The following WDR25 variants were observed in gnomAD, a reference collection of about 807,000 sequenced individuals.
WDR25 encodes the protein WD repeat domain 25, also known as WD repeat-containing protein 25.
WDR25 carries 35 observed loss-of-function variants against 47.7 expected under a neutral mutation model. The observed-to-expected ratio is 0.73, with a 90% CI of 0.56 to 0.97. The LOEUF (loss-of-function observed/expected upper bound fraction) is 0.97, where lower values mean the gene tolerates loss of function less well. Among genes scored for constraint, WDR25 ranks in the 50% least tolerant of loss-of-function variants. WDR25 has a pLI of 0.00. For synonymous variants in WDR25, 248 were observed against 278.9 expected (o/e 0.89, Z 1.10); for missense variants, 634 against 704.7 (o/e 0.90, Z 1.14).
chr14:100,489,375 C>T (rs548014584), intron 4 of WDR25, among the ~76,000 whole-genome samples: 2 of 152,306 alleles, frequency 1.3e-5, no homozygotes, highest in South Asian at 4.1e-4. Flanking sequence ...GTACTGGGCC[C>T]TCTAGCAGTG....
In WDR25 at chr14:100,500,117, C is replaced by G. The variant is rs1029447379; in HGVS notation, c.1101+15993C>G. On this transcript the variant is annotated intron_variant, in intron 4 of 6. Transcript: ENST00000402312. The surrounding 1 kb of genome is among the most constrained non-coding windows in gnomAD (Gnocchi z 4.7). The stretch of plus-strand genomic sequence containing the variant: ...ACCCTCCTCCCCTACTTCTCTCTTA[C>G]CTGCTGCATCCTCTCTGTGCACCAA... 6.6e-6 allele frequency among the ~76,000 whole-genome samples: 1 copy of G among 152,110 alleles called. No homozygotes were observed. The highest frequency in any genetic ancestry group is 2.4e-5 in the African/African-American group (1 of 41,426).
At position 100,529,299 on chromosome 14, in the gene WDR25, C is replaced by G; in HGVS notation, c.1413+91C>G. On this transcript the variant is annotated intron_variant, in intron 6 of 6. Coordinates refer to ENST00000402312, the MANE Select transcript of WDR25 (RefSeq NM_001161476.3). This position sits in a 1 kb window ranked among gnomAD's most constrained non-coding sequence, Gnocchi z 5.1. ...ACATGGGCCCTGGGGTGCATGGAGC[C>G]TCTGTCTGGGTGGATCCTGCTTTCT... 6.4e-7 allele frequency: 1 copy of G among 1,565,384 alleles called. No individual in the cohort carries two copies. The highest frequency in any genetic ancestry group is 8.7e-7 in the Non-Finnish European group (1 of 1,151,340).
At chr14:100,483,934 A>G (rs1409802686) in intron 3 of WDR25, 60 bp from the exon 4 acceptor site, 2 of 1,546,270 alleles carry the variant, frequency 1.3e-6, no homozygotes, top group Non-Finnish European at 8.7e-7. Flanking sequence ...TCTTAGTTTT[A>G]AGATATTTGT....
chr14:100,480,051 C>T (rs757476710), intron 3 of WDR25, among the ~76,000 whole-genome samples: 5 of 152,162 alleles, frequency 3.3e-5, no homozygotes, highest in Admixed American at 1.3e-4. Context: ...GGGACTGCTT[C>T]GTATCAATTC....
chr14:100,445,644 G>C (rs978953554), intron 2 of WDR25, among the ~76,000 whole-genome samples: 1 of 152,148 alleles, frequency 6.6e-6, no homozygotes, highest in African/African-American at 2.4e-5. Context: ...GGACAGGATG[G>C]CTTCTAGGCT....
At chr14:100,394,069 T>C (rs776221404) in intron 2 of WDR25, among the ~76,000 whole-genome samples, 8 of 152,190 alleles carry the variant, frequency 5.3e-5, no homozygotes, top group Non-Finnish European at 8.8e-5. Context: ...ACGATAACGC[T>C]CTTACAAATG....
intron 2 of WDR25, among the ~76,000 whole-genome samples, chr14:100,394,561 A>G (rs949437873): frequency 1.3e-5 from 2 of 152,176 alleles, no homozygotes; most frequent in Non-Finnish European, 2.9e-5. Context: ...CTGGGATCAG[A>G]GGGGACCAGA....
chr14:100,518,220 C>T (rs1426969519), intron 4 of WDR25, among the ~76,000 whole-genome samples: 1 of 152,142 alleles, frequency 6.6e-6, no homozygotes, highest in Non-Finnish European at 1.5e-5. Flanking sequence ...GCCTTCATTT[C>T]CTCTTTATTC....
intron 3 of WDR25, among the ~76,000 whole-genome samples, chr14:100,478,208 A>G (rs562673929): frequency 6.6e-6 from 1 of 152,354 alleles, no homozygotes; most frequent in East Asian, 1.9e-4. Flanking sequence ...GTAAACTATA[A>G]TAGCTCCCTT....
At chr14:100,410,387 T>C (rs7153197) in intron 2 of WDR25, among the ~76,000 whole-genome samples, 3,717 of 151,996 alleles carry the variant, frequency 0.024, 164 homozygotes, top group African/African-American at 0.086. Flanking sequence ...GCTCAGGGGG[T>C]GGAGAGAACA....
intron 2 of WDR25, among the ~76,000 whole-genome samples, chr14:100,463,554 T>C (rs1899500971): frequency 1.3e-5 from 2 of 152,210 alleles, no homozygotes; most frequent in African/African-American, 2.4e-5. Flanking sequence ...CTCTCTGTCC[T>C]GTCTGCACTT....
intron 2 of WDR25, among the ~76,000 whole-genome samples, chr14:100,400,201 G>A (rs759771115): frequency 2.0e-5 from 3 of 151,578 alleles, no homozygotes; most frequent in Admixed American, 6.6e-5. Flanking sequence ...GCTGGGGCAT[G>A]TGTGTCCTGT....
intron 2 of WDR25, among the ~76,000 whole-genome samples, chr14:100,415,542 A>T (rs1407080828): frequency 6.6e-6 from 1 of 152,200 alleles, no homozygotes; most frequent in Admixed American, 6.5e-5. Context: ...TCTATCTGGA[A>T]CAGATTTATT....
chr14:100,452,193 T>TTCCATCCA (rs1189594919), intron 2 of WDR25, among the ~76,000 whole-genome samples: 3 of 152,156 alleles, frequency 2.0e-5, no homozygotes, highest in Non-Finnish European at 4.4e-5. Flanking sequence ...TATCCATGCA[T>TTCCATCCA]TCCATCCATC....
intron 2 of WDR25, among the ~76,000 whole-genome samples, chr14:100,456,980 C>T (rs1433497248): frequency 2.6e-5 from 4 of 151,764 alleles, no homozygotes; most frequent in Non-Finnish European, 2.9e-5. Context: ...TTTTTTGAGA[C>T]GGAGTCGCAC....
chr14:100,401,851 T>G (rs1897391496), intron 2 of WDR25, among the ~76,000 whole-genome samples: 1 of 152,204 alleles, frequency 6.6e-6, no homozygotes. Context: ...GCACTTGCCA[T>G]TTTCTCTGTG....
chr14:100,386,728 C>T (rs1327058128), intron 2 of WDR25, among the ~76,000 whole-genome samples: 4 of 151,944 alleles, frequency 2.6e-5, no homozygotes, highest in Non-Finnish European at 5.9e-5. Context: ...CCCGTCTCTA[C>T]TAAAAATACA....
At chr14:100,501,665 G>A (rs375103935) in intron 4 of WDR25, among the ~76,000 whole-genome samples, 2 of 152,302 alleles carry the variant, frequency 1.3e-5, no homozygotes, top group Non-Finnish European at 2.9e-5. Flanking sequence ...CTTAGGAGCT[G>A]TCACTGTGGG....
chr14:100,389,658 T>C (rs1197496520), intron 2 of WDR25, among the ~76,000 whole-genome samples: 2 of 152,218 alleles, frequency 1.3e-5, no homozygotes, highest in African/African-American at 2.4e-5. Flanking sequence ...TGAAGTTTCC[T>C]GAACTTGGCA....
Sources: gnomAD v4.1 joint callset for allele counts (sites outside exome capture counted in the v4.1 genomes callset) on GRCh38, gnomAD v4.1.1 for gene constraint, Gnocchi (gnomAD v3.1) non-coding constraint, MANE v1.5 for transcripts, NCBI Gene and HGNC (gene_info 2026-07-23, HGNC 2026-07-21) for gene names.